Variants in LETM1 observed in about 807,000 individuals in gnomAD.
The protein encoded by LETM1 is leucine zipper and EF-hand containing transmembrane protein 1, also known as mitochondrial proton/calcium exchanger protein.
Under a neutral mutation model 74.5 loss-of-function variants are expected in LETM1, and 50 were observed. The observed-to-expected ratio is 0.67, with a 90% CI of 0.53 to 0.85. The LOEUF is 0.85. Ranked by LOEUF, LETM1 falls within the 40% of genes least tolerant of loss-of-function variation. The probability of loss-of-function intolerance (pLI) is 0.00; values close to 1 mark genes in which losing one functional copy is unlikely to be tolerated. For synonymous variants in LETM1, 446 were observed against 407.1 expected (o/e 1.10, Z -1.15); for missense variants, 824 against 967.8 (o/e 0.85, Z 1.97).
chr4:1,847,599 C>A (rs759023383), intron 2 of LETM1, among the ~76,000 whole-genome samples: 4 of 151,952 alleles, frequency 2.6e-5, no homozygotes, highest in Non-Finnish European at 5.9e-5. Flanking sequence ...GTAGGTGGAT[C>A]ATCTGAGGTC....
At chr4:1,838,744 A>G (rs907657747) in intron 3 of LETM1, among the ~76,000 whole-genome samples, 3 of 152,268 alleles carry the variant, frequency 2.0e-5, no homozygotes, top group Non-Finnish European at 1.5e-5. Context: ...AGAGCTAGAA[A>G]CCATGAGGTG....
chr4:1,842,868 A>G (rs1712751664), intron 2 of LETM1: 4 of 202,480 alleles, frequency 2.0e-5, no homozygotes, highest in Admixed American at 1.7e-4. Context: ...GTGCCACACC[A>G]CCATTTACAG....
intron 6 of LETM1, among the ~76,000 whole-genome samples, chr4:1,830,509 T>C (rs1712228282): frequency 6.6e-6 from 1 of 152,118 alleles, no homozygotes; most frequent in Non-Finnish European, 1.5e-5. Flanking sequence ...TTTTAAATTT[T>C]TTTGTAGAGG....
Position 1,832,966 on chromosome 4 carries a change from G to A in LETM1, c.877-19C>T. 1 of 1,611,346 alleles carries A rather than the reference G, an allele frequency of 6.2e-7. No individual in the cohort carries two copies. Among genetic ancestry groups the A allele is most frequent in the Non-Finnish European group, 8.5e-7 (1 of 1,179,296 alleles). On this transcript the variant is annotated intron_variant, in intron 5 of 13. Transcript: ENST00000302787. ...CCCGGATCTGCGGAAGTGGTCACAAGGGTCATCCCCGGGACACGCGCCCAC... is the reference window on the plus strand; with the variant it reads ...CCCGGATCTGCGGAAGTGGTCACAAAGGTCATCCCCGGGACACGCGCCCAC...
intron 6 of LETM1, among the ~76,000 whole-genome samples, chr4:1,828,118 C>T (rs1417672426): frequency 4.8e-5 from 6 of 125,182 alleles, no homozygotes; most frequent in Admixed American, 7.4e-5. Flanking sequence ...ACCTCCCTCC[C>T]GGACGGGGCG....
At chr4:1,815,536 G>T in intron 13 of LETM1, 128 bp downstream of exon 13, 1 of 954,824 alleles carries the variant, frequency 1.0e-6, no homozygotes, top group Non-Finnish European at 1.6e-6. Flanking sequence ...CGCAGTGACA[G>T]ACCCAAACCC....
intron 2 of LETM1, among the ~76,000 whole-genome samples, chr4:1,848,316 T>C (rs1185074015): frequency 2.0e-5 from 3 of 151,774 alleles, no homozygotes; most frequent in Non-Finnish European, 4.4e-5. Flanking sequence ...TGGGAGGCCA[T>C]GGCGGGCGGA....
chr4:1,833,292 A>G, intron 5 of LETM1: 1 of 302,370 alleles, frequency 3.3e-6, no homozygotes. Flanking sequence ...CTGGTCTCAA[A>G]TACCCGACCT....
rs1367096685 is a variant in LETM1, at chr4:1,841,621, C to A, written c.320G>T (p.Gly107Val). 6.2e-7 allele frequency: 1 copy of A among 1,614,088 alleles called. No individual in the cohort carries two copies. Among genetic ancestry groups the A allele is most frequent in the African/African-American group, 1.3e-5 (1 of 74,914 alleles). Residue 107 changes from glycine to valine, a missense_variant, in exon 3 of 14, where the codon GGC (glycine) becomes GTC (valine). Gly to Val is a moderately radical substitution (Grantham distance 109). Around this residue, in one of 4 missense-constraint regions of LETM1, gnomAD observed 222 missense variants for 195.6 expected, o/e 1.14. Coordinates refer to ENST00000302787, the MANE Select transcript of LETM1 (RefSeq NM_012318.3). Reference sequence around the variant, plus strand: ...GCGAACAGGGCGCGAAGAGTGCCAGCCACGCACAGGAAGGCACTGAGGTCC... The same window carrying A: ...GCGAACAGGGCGCGAAGAGTGCCAGACACGCACAGGAAGGCACTGAGGTCC... Reference protein sequence around the residue: ...AVGPQCLPVRGWHSSRPVRDD... With the variant: ...AVGPQCLPVRVWHSSRPVRDD...
At chr4:1,830,553 C>G (rs1712229921) in intron 6 of LETM1, among the ~76,000 whole-genome samples, 1 of 152,184 alleles carries the variant, frequency 6.6e-6, no homozygotes, top group Non-Finnish European at 1.5e-5. Context: ...AGGAAGGTCT[C>G]AAACTACCGG....
chr4:1,817,834 T>G (rs1334204381), intron 11 of LETM1, among the ~76,000 whole-genome samples: 1 of 152,166 alleles, frequency 6.6e-6, no homozygotes, highest in Non-Finnish European at 1.5e-5. Flanking sequence ...TAAAGTGGCA[T>G]GATCTCAGCT....
intron 6 of LETM1, 74 bp downstream of exon 6, chr4:1,832,670 A>G: frequency 1.4e-6 from 2 of 1,404,126 alleles, no homozygotes; most frequent in Admixed American, 3.4e-5. Context: ...TACAATGAGG[A>G]CATGCTGCTT....
At chr4:1,819,778 C>A (rs1711710309) in intron 10 of LETM1, among the ~76,000 whole-genome samples, 1 of 152,208 alleles carries the variant, frequency 6.6e-6, no homozygotes, top group Admixed American at 6.5e-5. Context: ...TTTGTGCCCC[C>A]ACTGGGTCCC....
rs1335621770 is a variant in LETM1 at position 1,834,256 on chromosome 4, C to G, written c.876+589G>C. 6.4e-6 allele frequency: 2 copies of G among 313,286 alleles called. No homozygotes were observed. Among genetic ancestry groups the G allele is most frequent in the African/African-American group, 4.5e-5 (2 of 44,390 alleles). 19.4% of individuals were successfully genotyped at this position (313,286 alleles called of 1,614,324 possible). On this transcript the variant is annotated intron_variant, in intron 5 of 13. Transcript: ENST00000302787. The surrounding 1 kb of genome is among the most constrained non-coding windows in gnomAD (Gnocchi z 5.0). ...CTTCCTGCACTTCAGACACATCCTTCTCACTCCAAAGTGGCACAAGTCCCT... is the reference window on the plus strand; with the variant it reads ...CTTCCTGCACTTCAGACACATCCTTGTCACTCCAAAGTGGCACAAGTCCCT...
intron 6 of LETM1, among the ~76,000 whole-genome samples, chr4:1,830,587 G>C (rs1408061869): frequency 1.3e-5 from 2 of 152,216 alleles, no homozygotes; most frequent in African/African-American, 4.8e-5. Context: ...TCCCACCTTG[G>C]CCTCCCACAG....
chr4:1,850,335 C>A (rs534020146), intron 1 of LETM1, among the ~76,000 whole-genome samples: 1 of 152,058 alleles, frequency 6.6e-6, no homozygotes, highest in South Asian at 2.1e-4. Context: ...TCAAGTAGAT[C>A]CTGACTCCAG....
intron 9 of LETM1, chr4:1,822,718 G>A (rs955005707): frequency 4.5e-5 from 17 of 374,328 alleles, no homozygotes; most frequent in Middle Eastern, 6.7e-4. Flanking sequence ...AGGAGAGGGT[G>A]GGCACTGCCA....
intron 6 of LETM1, among the ~76,000 whole-genome samples, chr4:1,827,948 G>A (rs1301122951): frequency 4.0e-5 from 6 of 149,284 alleles, no homozygotes; most frequent in African/African-American, 1.5e-4. Context: ...TCCCGGATGG[G>A]GCGGCTGGCC....
At chr4:1,815,834 G>A in intron 12 of LETM1, 32 bp from the exon 13 acceptor site, 1 of 1,608,864 alleles carries the variant, frequency 6.2e-7, no homozygotes, top group Non-Finnish European at 8.5e-7. Flanking sequence ...GTGGCCACGG[G>A]CAGGCGTCCT....
Sources: allele counts gnomAD v4.1 joint callset (sites outside exome capture counted in the v4.1 genomes callset), GRCh38; gene constraint gnomAD v4.1.1; regional missense constraint gnomAD v4.1.1; non-coding constraint Gnocchi (gnomAD v3.1); transcripts MANE v1.5; gene names NCBI Gene and HGNC (gene_info 2026-07-23, HGNC 2026-07-21).